Variants in HDAC7 observed in about 807,000 individuals in gnomAD.
The protein encoded by HDAC7 is histone deacetylase 7, also known as histone deacetylase 7A.
Under a neutral mutation model 115.5 loss-of-function variants are expected in HDAC7, and 26 were observed. The ratio of observed to expected loss-of-function variants is 0.23; its 90% CI spans 0.16 to 0.31. The LOEUF is 0.31. Ranked by LOEUF, HDAC7 falls within the 10% of genes least tolerant of loss-of-function variation. HDAC7 has a pLI of 1.00. For missense variants in HDAC7, 1,068 were observed against 1,329.0 expected, an observed-to-expected ratio of 0.80 and a Z score of 3.05; for synonymous variants, 564 against 550.9, an observed-to-expected ratio of 1.02 and a Z score of -0.33.
At chr12:47,796,909 G>C (rs749805247) in intron 7 of HDAC7, 108 bp downstream of exon 7, 3 of 1,277,454 alleles carry the variant, frequency 2.3e-6, no homozygotes, top group Non-Finnish European at 3.1e-6. Flanking sequence ...ATGCAACCAC[G>C]CATGGCAGTC....
intron 2 of HDAC7, among the ~76,000 whole-genome samples, chr12:47,800,844 C>G (rs867045721): frequency 4.6e-5 from 7 of 152,354 alleles, no homozygotes; most frequent in Non-Finnish European, 7.3e-5. Context: ...GAAGGGAATA[C>G]AGGATGGGCT....
chr12:47,797,501 T>G lies in HDAC7; in HGVS notation c.462-2A>C. On this transcript the variant is annotated splice_acceptor_variant, in intron 5 of 25. Coordinates refer to ENST00000080059, the MANE Select transcript of HDAC7 (RefSeq NM_015401.5). LOFTEE classifies it high-confidence loss of function. This position sits in a 1 kb window ranked among gnomAD's most constrained non-coding sequence, Gnocchi z 5.5. ...TCCGTCTCCAGGGGCTCCAGGGTTCTACAGAACGAGTGCCAAGGCTGCTTC... is the reference window on the plus strand; with the variant it reads ...TCCGTCTCCAGGGGCTCCAGGGTTCGACAGAACGAGTGCCAAGGCTGCTTC... The G allele has an allele frequency of 6.2e-7, 1 of 1,606,512 alleles. No individual in the cohort carries two copies. The highest frequency in any genetic ancestry group is 8.5e-7 in the Non-Finnish European group (1 of 1,175,494).
chr12:47,819,197 A>AC (rs1399919735), intron 1 of HDAC7: 1 of 152,146 alleles, frequency 6.6e-6, no homozygotes, highest in Non-Finnish European at 1.5e-5. Flanking sequence ...CCAGCCAGAG[A>AC]CCCCTCCAAG....
chr12:47,816,173 T>A (rs1944844087), intron 1 of HDAC7, among the ~76,000 whole-genome samples: 1 of 152,064 alleles, frequency 6.6e-6, no homozygotes, highest in South Asian at 2.1e-4. Context: ...ATTACAGGCG[T>A]AAGTCACCGC....
rs74085221 is a variant in HDAC7, at chr12:47,785,490, C to A, written c.2707-19G>T. The A allele has an allele frequency of 6.3e-7, 1 of 1,599,120 alleles. No individual in the cohort carries two copies. The highest frequency in any genetic ancestry group is 2.2e-5 in the East Asian group (1 of 44,762). ...GATCCACCTATAGAAAACAGTACAT[C>A]AGCCACCAGTCTCTCAGGGACCCAC... On this transcript the variant is annotated intron_variant, in intron 23 of 25. Coordinates refer to ENST00000080059, the MANE Select transcript of HDAC7 (RefSeq NM_015401.5).
chr12:47,802,147 G>T, intron 2 of HDAC7, 77 bp downstream of exon 2: 1 of 1,456,674 alleles, frequency 6.9e-7, no homozygotes, highest in Non-Finnish European at 9.4e-7. Flanking sequence ...TAACCCCTCA[G>T]CTTCTCGCGT....
In HDAC7 at chr12:47,794,838, G is replaced by A. The variant is rs143888162; in HGVS notation, c.1380C>T (p.Asp460=). ...CCAGCTCCCTGTGCTCCAGGCCATC[G>A]TCCACCACCTGGCCCGGTCCCCCGC... ...TDGGGPGQVV[D]DGLEHRELGH... The change falls in exon 12 of 26, where the codon GAC becomes GAT. Residue 460 remains aspartate (D), a synonymous_variant. Coordinates refer to ENST00000080059, the MANE Select transcript of HDAC7 (RefSeq NM_015401.5). 1.3e-4 allele frequency: 202 copies of A among 1,613,216 alleles called. No individual in the cohort carries two copies. Among genetic ancestry groups the A allele is most frequent in the African/African-American group, 8.8e-4 (66 of 75,044 alleles).
At chr12:47,792,867 A>C (rs1592648339) in intron 13 of HDAC7, 1 of 364,034 alleles carries the variant, frequency 2.7e-6, no homozygotes, top group Non-Finnish European at 5.5e-6. Context: ...AGCAGGATAC[A>C]AAACGTAGTT....
chr12:47,820,052 G>C (rs1031922295), upstream of HDAC7: 5 of 152,374 alleles, frequency 3.3e-5, no homozygotes, highest in Admixed American at 6.6e-5. This position sits in a 1 kb window ranked among gnomAD's most constrained non-coding sequence, Gnocchi z 4.3. Flanking sequence ...ACACCACCCC[G>C]GCAGACACTG....
intron 1 of HDAC7, among the ~76,000 whole-genome samples, chr12:47,805,073 ATT>A (rs561801413): frequency 2.7e-4 from 39 of 142,932 alleles, no homozygotes; most frequent in African/African-American, 6.2e-4. Flanking sequence ...TCTTTTCTTA[ATT>A]TTTTTTTTTT....
At chr12:47,785,575 T>C (rs1316590522) in intron 23 of HDAC7, 104 bp from the exon 24 acceptor site, 2 of 1,375,972 alleles carry the variant, frequency 1.5e-6, no homozygotes, top group Admixed American at 4.2e-5. Context: ...ACACTCTACC[T>C]AGGCCAGGAG....
intron 1 of HDAC7, chr12:47,813,519 T>C (rs1051678042): frequency 2.0e-5 from 3 of 152,310 alleles, no homozygotes; most frequent in Admixed American, 6.5e-5. Flanking sequence ...CTGAAGGGGA[T>C]TGGAGTTCCC....
chr12:47,787,607 G>GGTGGGGACAGGCT, intron 21 of HDAC7, 105 bp downstream of exon 21: 1 of 712,564 alleles, frequency 1.4e-6, no homozygotes, highest in African/African-American at 1.8e-5. Flanking sequence ...TCTAGGAACT[G>GGTGGGGACAGGCT]GTGGGGACAG....
rs763613100 is a variant in HDAC7, at chr12:47,795,695, G to A, written c.979C>T (p.Leu327Phe). The A allele has an allele frequency of 1.2e-5, 18 of 1,550,394 alleles. No individual in the cohort carries two copies. The highest frequency in any genetic ancestry group is 7.1e-5 in the South Asian group (6 of 83,930). Residue 327 changes from leucine to phenylalanine, a missense_variant, in exon 10 of 26, where the codon CTC becomes TTC. Leu to Phe is a conservative substitution (Grantham distance 22). Around this residue, in one of 6 missense-constraint regions of HDAC7, gnomAD observed 618 missense variants for 701.5 expected, o/e 0.88. Transcript: ENST00000080059. The surrounding 1 kb of genome is among the most constrained non-coding windows in gnomAD (Gnocchi z 4.3). ...GGCTCCAAGCCATGGGGCAGGAAGA[G>A]GGGAGTGTGGGGGCTCCCCAGGATT... ...GPILGSPHTPLFLPHGLEPEA... is the reference protein window; with the variant it reads ...GPILGSPHTPFFLPHGLEPEA...
intron 11 of HDAC7, 54 bp from the exon 12 acceptor site, chr12:47,794,987 T>G: frequency 1.3e-6 from 2 of 1,490,726 alleles, no homozygotes; most frequent in Non-Finnish European, 1.8e-6. Context: ...GGGCATGGGG[T>G]GGGAGGTGGT....
At chr12:47,787,166 G>A (rs544130483) in intron 21 of HDAC7, among the ~76,000 whole-genome samples, 1 of 152,144 alleles carries the variant, frequency 6.6e-6, no homozygotes, top group Admixed American at 6.5e-5. Flanking sequence ...CTTGAGAGCT[G>A]AGTAGGGGAC....
chr12:47,792,729 A>G (rs1363102561), intron 13 of HDAC7: 3 of 453,794 alleles, frequency 6.6e-6, no homozygotes, highest in Non-Finnish European at 1.3e-5. Flanking sequence ...CAAATAAGCT[A>G]TAATCTAAAT....
chr12:47,784,663 A>T, intron 24 of HDAC7: 2 of 1,478,116 alleles, frequency 1.4e-6, no homozygotes, highest in Non-Finnish European at 1.8e-6. Context: ...AGGGCCTGGG[A>T]GGTGGGACGA....
Position 47,797,043 on chromosome 12 carries a change from C to T in HDAC7, c.677G>A (p.Arg226Gln), listed in dbSNP as rs758281585. 6.3e-6 allele frequency: 10 copies of T among 1,587,824 alleles called. No individual in the cohort carries two copies. The Admixed American group carries it at 1.1e-4, about 17-fold the overall frequency. ...LRKESAPPSL[R>Q]RRPAETLGDS... ...TCCGAGGGTCTCTGCGGGCCGCCGC[C>T]GGAGGCTGGGGGGCGCACTCTCCTT... The change falls in exon 7 of 26, where the codon CGG becomes CAG. Residue 226 changes from arginine to glutamine, a missense_variant. Transcript: ENST00000080059. This position sits in a 1 kb window ranked among gnomAD's most constrained non-coding sequence, Gnocchi z 5.5.
Sources: allele counts gnomAD v4.1 joint callset (sites outside exome capture counted in the v4.1 genomes callset), GRCh38; gene constraint gnomAD v4.1.1; regional missense constraint gnomAD v4.1.1; non-coding constraint Gnocchi (gnomAD v3.1); transcripts MANE v1.5; gene names NCBI Gene and HGNC (gene_info 2026-07-23, HGNC 2026-07-21).